Variants in ST3GAL3 observed in about 807,000 individuals in gnomAD.
The protein encoded by ST3GAL3 is ST3 beta-galactoside alpha-2,3-sialyltransferase 3, also known as CMP-N-acetylneuraminate-beta-1,4-galactoside alpha-2,3-sialyltransferase.
Under a neutral mutation model 50.1 loss-of-function variants are expected in ST3GAL3, and 21 were observed. The observed-to-expected ratio is 0.42, with a 90% CI of 0.30 to 0.60. The LOEUF is 0.60. Among genes scored for constraint, ST3GAL3 ranks in the 20% least tolerant of loss-of-function variants. The pLI is 0.19. For missense variants in ST3GAL3, 353 were observed against 489.4 expected, an observed-to-expected ratio of 0.72 and a Z score of 2.63; for synonymous variants, 183 against 190.0, an observed-to-expected ratio of 0.96 and a Z score of 0.30.
At chr1:43,714,527 C>G (rs1301346779) in intron 1 of ST3GAL3, among the ~76,000 whole-genome samples, 1 of 151,718 alleles carries the variant, frequency 6.6e-6, no homozygotes, top group African/African-American at 2.4e-5. Flanking sequence ...ATTGCTTGAA[C>G]CTGGGAGGCG....
intron 2 of ST3GAL3, among the ~76,000 whole-genome samples, chr1:43,770,233 AGGAGAGGAGAGGGGAG>A (rs1694574630): frequency 9.3e-6 from 1 of 107,564 alleles, no homozygotes. Context: ...AGGGGAGGGG[AGGAGAGGAGAGGGGAG>A]GGGAGGAGAG....
At chr1:43,724,127 T>G (rs1367261747) in intron 1 of ST3GAL3, among the ~76,000 whole-genome samples, 1 of 152,284 alleles carries the variant, frequency 6.6e-6, no homozygotes, top group East Asian at 1.9e-4. Flanking sequence ...AAATTATACC[T>G]TTAGAATGTA....
intron 1 of ST3GAL3, among the ~76,000 whole-genome samples, chr1:43,733,606 A>G (rs1417514918): frequency 1.3e-5 from 2 of 152,140 alleles, no homozygotes; most frequent in Non-Finnish European, 2.9e-5. Flanking sequence ...CTTAGTAATT[A>G]TAGCTTTGAG....
At chr1:43,838,624 C>T (rs1286133415) in intron 5 of ST3GAL3, 2 of 369,498 alleles carry the variant, frequency 5.4e-6, no homozygotes, top group African/African-American at 2.1e-5. Flanking sequence ...ACAGAAGCTC[C>T]TAGACCTAGT....
At chr1:43,740,037 G>A (rs1039264342) in intron 2 of ST3GAL3, among the ~76,000 whole-genome samples, 9 of 152,042 alleles carry the variant, frequency 5.9e-5, no homozygotes, top group Non-Finnish European at 1.3e-4. Flanking sequence ...AGTTGGGTGT[G>A]CTTGATTCTT....
At chr1:43,886,894 A>C (rs937783864) in intron 5 of ST3GAL3, among the ~76,000 whole-genome samples, 10 of 152,186 alleles carry the variant, frequency 6.6e-5, no homozygotes, top group African/African-American at 2.4e-4. Flanking sequence ...CCTGAGCCTT[A>C]TTGTGTGCAT....
chr1:43,900,432 C>G (rs1021232788), intron 9 of ST3GAL3, among the ~76,000 whole-genome samples: 1 of 152,184 alleles, frequency 6.6e-6, no homozygotes, highest in African/African-American at 2.4e-5. Context: ...GTCAACTGCT[C>G]TTTAGGAGAC....
chr1:43,850,494 A>T, intron 5 of ST3GAL3: 1 of 630,176 alleles, frequency 1.6e-6, no homozygotes, highest in Non-Finnish European at 3.0e-6. Flanking sequence ...TACCTTTTGG[A>T]AGCCTTTTTC....
intron 3 of ST3GAL3, among the ~76,000 whole-genome samples, chr1:43,804,214 C>G (rs767510799): frequency 9.9e-5 from 15 of 152,194 alleles, no homozygotes; most frequent in Non-Finnish European, 1.5e-4. Flanking sequence ...AAGGCAAATT[C>G]ACATGCAACT....
chr1:43,830,685 C>T (rs954796615), intron 4 of ST3GAL3, among the ~76,000 whole-genome samples: 3 of 152,120 alleles, frequency 2.0e-5, no homozygotes, highest in African/African-American at 4.8e-5. Context: ...ATAGCCCTTC[C>T]ACTGGGCTCA....
intron 5 of ST3GAL3, among the ~76,000 whole-genome samples, chr1:43,853,030 C>T (rs942889223): frequency 5.3e-5 from 8 of 152,132 alleles, no homozygotes; most frequent in African/African-American, 1.7e-4. Context: ...AAATATAACT[C>T]GTAAAACCTA....
At chr1:43,753,931 C>T (rs1185261484) in intron 2 of ST3GAL3, among the ~76,000 whole-genome samples, 1 of 152,190 alleles carries the variant, frequency 6.6e-6, no homozygotes, top group South Asian at 2.1e-4. Context: ...TTGGTCTACT[C>T]TCAGGTAACT....
At chr1:43,840,061 C>G (rs1455228674) in intron 5 of ST3GAL3, 1 of 146,952 alleles carries the variant, frequency 6.8e-6, no homozygotes, top group Non-Finnish European at 1.5e-5. Flanking sequence ...CAGGGTCTTG[C>G]GGTGTTGCCC....
chr1:43,751,613 T>A (rs1686110782), intron 2 of ST3GAL3, among the ~76,000 whole-genome samples: 1 of 152,128 alleles, frequency 6.6e-6, no homozygotes. Flanking sequence ...AGAGACACAC[T>A]CAAATGCATA....
At chr1:43,921,914 C>G in intron 11 of ST3GAL3, 1 of 397,458 alleles carries the variant, frequency 2.5e-6, no homozygotes, top group Non-Finnish European at 4.4e-6. Flanking sequence ...TTCCAGTGGA[C>G]ACAACGTCAT....
At chr1:43,889,616 A>G (rs773945360) in intron 5 of ST3GAL3, among the ~76,000 whole-genome samples, 2 of 152,216 alleles carry the variant, frequency 1.3e-5, no homozygotes, top group Non-Finnish European at 2.9e-5. Flanking sequence ...TAGTAATGGT[A>G]GTGTTAGTAG....
At chr1:43,856,194 C>T (rs1222774181) in intron 5 of ST3GAL3, among the ~76,000 whole-genome samples, 1 of 152,220 alleles carries the variant, frequency 6.6e-6, no homozygotes, top group African/African-American at 2.4e-5. Flanking sequence ...TTCACAAATG[C>T]ATGTATACAA....
intron 2 of ST3GAL3, among the ~76,000 whole-genome samples, chr1:43,754,723 GA>G (rs1687411124): frequency 6.6e-6 from 1 of 152,140 alleles, no homozygotes; most frequent in African/African-American, 2.4e-5. Flanking sequence ...TCGGGAAGAT[GA>G]GGCAGGAGGA....
intron 1 of ST3GAL3, among the ~76,000 whole-genome samples, chr1:43,714,430 T>TAAAAAAA (rs1666329934): frequency 5.7e-5 from 2 of 35,372 alleles, no homozygotes; most frequent in South Asian, 8.5e-4. Context: ...TCTACTAAAA[T>TAAAAAAA]ACAAAAAAAA....
Sources: gnomAD v4.1 joint callset for allele counts (sites outside exome capture counted in the v4.1 genomes callset) on GRCh38, gnomAD v4.1.1 for gene constraint, MANE v1.5 for transcripts, NCBI Gene and HGNC (gene_info 2026-07-23, HGNC 2026-07-21) for gene names.